CTNNA2: variants seen among roughly 807,000 people sequenced by gnomAD.
CTNNA2 encodes catenin alpha-2.
A neutral mutation model predicts 101.0 loss-of-function variants in CTNNA2; 42 were observed. That is an observed-to-expected ratio of 0.42 (90% CI 0.32 to 0.54). The LOEUF (loss-of-function observed/expected upper bound fraction) is 0.54, where lower values mean the gene tolerates loss of function less well. Ranked by LOEUF, CTNNA2 falls within the 20% of genes least tolerant of loss-of-function variation. CTNNA2 has a pLI of 0.14. For synonymous variants in CTNNA2, 450 were observed against 456.4 expected (o/e 0.99, Z 0.18); for missense variants, 871 against 1,223.1 (o/e 0.71, Z 4.29).
chr2:80,232,345 G>GTTTTTTTTTTTTTTTTTTTTT lies in CTNNA2; in HGVS notation c.1057-160843_1057-160823dup, dbSNP rs61454985. Reference sequence around the variant, plus strand: ...GTTTTGTTTGTTTGTTTGTTTGTTTGTTTTTTTTTTTTTTTTTTTTTTTTT... The same window carrying GTTTTTTTTTTTTTTTTTTTTT: ...GTTTTGTTTGTTTGTTTGTTTGTTTGTTTTTTTTTTTTTTTTTTTTTTTTTTTTTTTTTTTTTTTTTTTTTT... On this transcript the variant is annotated intron_variant, in intron 7 of 18. Transcript: ENST00000402739. Among the ~76,000 whole-genome samples, 47 of 64,790 alleles carry GTTTTTTTTTTTTTTTTTTTTT rather than the reference G, an allele frequency of 7.3e-4. 1 individual carries two copies. Among genetic ancestry groups the GTTTTTTTTTTTTTTTTTTTTT allele is most frequent in the African/African-American group, 1.1e-3 (13 of 11,386 alleles). 42.5% of individuals were successfully genotyped at this position (64,790 alleles called of 152,430 possible).
intron 9 of CTNNA2, among the ~76,000 whole-genome samples, chr2:80,422,819 C>T (rs936666150): frequency 1.8e-4 from 27 of 151,998 alleles, no homozygotes; most frequent in African/African-American, 6.5e-4. Flanking sequence ...ATAAGATGAG[C>T]CTCATTTATT....
At chr2:80,129,731 A>G (rs971112135) in intron 7 of CTNNA2, among the ~76,000 whole-genome samples, 4 of 152,156 alleles carry the variant, frequency 2.6e-5, no homozygotes, top group Admixed American at 6.5e-5. Context: ...TGACAGATGA[A>G]ACTCACAGCA....
intron 14 of CTNNA2, among the ~76,000 whole-genome samples, chr2:80,583,887 A>G (rs1036364929): frequency 1.3e-5 from 2 of 152,140 alleles, no homozygotes; most frequent in African/African-American, 4.8e-5. Flanking sequence ...TGAATTATAA[A>G]CAGGGTCCAA....
intron 1 of CTNNA2, among the ~76,000 whole-genome samples, chr2:79,550,418 C>A (rs530262291): frequency 6.6e-6 from 1 of 152,228 alleles, no homozygotes; most frequent in East Asian, 1.9e-4. Context: ...CACCAGTGCA[C>A]GTCACTCTTA....
chr2:80,413,587 A>T (rs994524587), intron 8 of CTNNA2, among the ~76,000 whole-genome samples: 5 of 152,176 alleles, frequency 3.3e-5, no homozygotes, highest in Non-Finnish European at 1.5e-5. Flanking sequence ...TGGGTAGATT[A>T]TAGCACTGAC....
intron 4 of CTNNA2, among the ~76,000 whole-genome samples, chr2:79,468,640 C>T (rs1670964843): frequency 6.6e-6 from 1 of 152,190 alleles, no homozygotes; most frequent in African/African-American, 2.4e-5. Flanking sequence ...TAAAGCACTC[C>T]TCAGCAAATG....
intron 3 of CTNNA2, among the ~76,000 whole-genome samples, chr2:79,824,745 G>A (rs1678283148): frequency 6.6e-6 from 1 of 152,128 alleles, no homozygotes; most frequent in Non-Finnish European, 1.5e-5. Flanking sequence ...AAATCAATAT[G>A]ATGCACTGAG....
intron 7 of CTNNA2, among the ~76,000 whole-genome samples, chr2:80,102,897 A>G (rs1455563108): frequency 6.6e-6 from 1 of 152,168 alleles, no homozygotes; most frequent in Admixed American, 6.5e-5. Flanking sequence ...CCTTCCACAG[A>G]CTGGATCATA....
intron 4 of CTNNA2, among the ~76,000 whole-genome samples, chr2:79,494,969 T>A (rs180711064): frequency 6.6e-6 from 1 of 151,874 alleles, no homozygotes. Flanking sequence ...TGGGCGTGGT[T>A]GCAGGCGCCT....
At chr2:80,636,539 A>G (rs1200091622) in intron 18 of CTNNA2, among the ~76,000 whole-genome samples, 1 of 152,082 alleles carries the variant, frequency 6.6e-6, no homozygotes, top group East Asian at 1.9e-4. Flanking sequence ...AACAGTGTAT[A>G]CCTGAGAATC....
At chr2:80,134,998 G>A (rs1395973454) in intron 7 of CTNNA2, among the ~76,000 whole-genome samples, 1 of 152,066 alleles carries the variant, frequency 6.6e-6, no homozygotes, top group East Asian at 1.9e-4. Context: ...ATAGATGCCA[G>A]GTGCAGTATT....
rs74588192 is a variant in CTNNA2 at position 79,778,000 on chromosome 2, A to G, written c.298+33418A>G. On this transcript the variant is annotated intron_variant, in intron 3 of 18. Transcript: ENST00000402739. ...GCATGTGATTGCATGATCTGTCTAT[A>G]TGAAATAGTTGTGCCTCATCCTTCC... Among the ~76,000 whole-genome samples, 1,093 of 151,426 alleles carry G rather than the reference A, an allele frequency of 7.2e-3. 18 individuals carry two copies. Among genetic ancestry groups the G allele is most frequent in the East Asian group, 0.064 (327 of 5,096 alleles).
chr2:80,107,593 A>G (rs931277831), intron 7 of CTNNA2, among the ~76,000 whole-genome samples: 6 of 152,172 alleles, frequency 3.9e-5, no homozygotes, highest in Admixed American at 1.3e-4. Context: ...GGGCAACCTC[A>G]TTCTTCTTGG....
chr2:79,617,560 A>G (rs369550738), intron 1 of CTNNA2, among the ~76,000 whole-genome samples: 5 of 152,220 alleles, frequency 3.3e-5, no homozygotes, highest in South Asian at 2.1e-4. Flanking sequence ...TCTGTTTAAT[A>G]TACAGCTATG....
chr2:79,797,449 A>G (rs974916104), intron 3 of CTNNA2, among the ~76,000 whole-genome samples: 89 of 152,138 alleles, frequency 5.8e-4, no homozygotes, highest in Admixed American at 4.8e-3. Context: ...TCACAAAGTC[A>G]GGAGTTCAAG....
chr2:80,087,467 C>A (rs778202246), intron 7 of CTNNA2, among the ~76,000 whole-genome samples: 1 of 152,002 alleles, frequency 6.6e-6, no homozygotes, highest in Non-Finnish European at 1.5e-5. Flanking sequence ...AGCAGGTATG[C>A]AGGTCTGTGT....
At chr2:80,023,640 T>C (rs186362989) in intron 7 of CTNNA2, among the ~76,000 whole-genome samples, 3 of 152,352 alleles carry the variant, frequency 2.0e-5, no homozygotes, top group South Asian at 2.1e-4. Flanking sequence ...TAACTCTTTA[T>C]GGTATGGCAA....
chr2:79,311,408 CAAAAAAAAA>C (rs753633073), intron 2 of CTNNA2, among the ~76,000 whole-genome samples: 13 of 67,060 alleles, frequency 1.9e-4, no homozygotes, highest in East Asian at 1.8e-3. Context: ...GACTCCGTCT[CAAAAAAAAA>C]AAAAAAAAAA....
At chr2:79,491,020 C>A (rs1320275380) in intron 4 of CTNNA2, among the ~76,000 whole-genome samples, 1 of 152,016 alleles carries the variant, frequency 6.6e-6, no homozygotes, top group Admixed American at 6.6e-5. Context: ...GAGAGAGCTT[C>A]CCATCAAAGC....
Sources: allele counts gnomAD v4.1 joint callset (sites outside exome capture counted in the v4.1 genomes callset), GRCh38; gene constraint gnomAD v4.1.1; transcripts MANE v1.5; gene names NCBI Gene and HGNC (gene_info 2026-07-23, HGNC 2026-07-21).